MALT1: variants seen among roughly 807,000 people sequenced by gnomAD.
MALT1 encodes the protein MALT1 paracaspase, also known as mucosa-associated lymphoid tissue lymphoma translocation protein 1.
In MALT1, 36 loss-of-function variants were observed where a neutral mutation model predicts 85.5. The observed-to-expected ratio is 0.42, with a 90% CI of 0.32 to 0.56. MALT1 has a LOEUF of 0.56. Ranked by LOEUF, MALT1 falls within the 20% of genes least tolerant of loss-of-function variation. MALT1 has a pLI of 0.10. For missense variants in MALT1, 716 were observed against 981.6 expected, an observed-to-expected ratio of 0.73 and a Z score of 3.62; for synonymous variants, 359 against 361.3, an observed-to-expected ratio of 0.99 and a Z score of 0.07.
intron 7 of MALT1, 88 bp from the exon 8 acceptor site, chr18:58,713,995 C>T: frequency 1.5e-6 from 1 of 671,572 alleles, no homozygotes; most frequent in Admixed American, 2.8e-5. Context: ...ACATGATTCA[C>T]TGGCTCAAAA....
chr18:58,728,782 A>G (rs75422155), intron 10 of MALT1, among the ~76,000 whole-genome samples: 8,139 of 152,250 alleles, frequency 0.053, 349 homozygotes, highest in East Asian at 0.22. Context: ...CCTTAATTCC[A>G]TTCAGCAGTT....
At chr18:58,729,932 T>C (rs2055123346) in intron 10 of MALT1, among the ~76,000 whole-genome samples, 1 of 152,162 alleles carries the variant, frequency 6.6e-6, no homozygotes, top group Admixed American at 6.5e-5. Context: ...TAGGGAGAAT[T>C]TGAAGTGTGT....
At chr18:58,708,230 G>C (rs746403277) in intron 4 of MALT1, among the ~76,000 whole-genome samples, 1 of 152,056 alleles carries the variant, frequency 6.6e-6, no homozygotes, top group Non-Finnish European at 1.5e-5. Flanking sequence ...CTCCTCCTTC[G>C]CCTTCTGCAA....
intron 4 of MALT1, among the ~76,000 whole-genome samples, chr18:58,708,849 A>T (rs1236413763): frequency 6.6e-6 from 1 of 152,138 alleles, no homozygotes; most frequent in Admixed American, 6.5e-5. Context: ...CAGGAAACTT[A>T]AAGAGTATTA....
chr18:58,740,374 C>T (rs568957690), intron 13 of MALT1, among the ~76,000 whole-genome samples: 1 of 136,908 alleles, frequency 7.3e-6, no homozygotes, highest in East Asian at 2.1e-4. Flanking sequence ...TTTATTATTT[C>T]TTTTTCTAAC....
intron 1 of MALT1, among the ~76,000 whole-genome samples, chr18:58,673,028 C>T (rs1340851638): frequency 6.6e-6 from 1 of 152,144 alleles, no homozygotes; most frequent in Non-Finnish European, 1.5e-5. Flanking sequence ...GCCTTTGAAC[C>T]CCTTAGCAGT....
chr18:58,727,529 T>A (rs2055074632), intron 10 of MALT1, among the ~76,000 whole-genome samples: 1 of 151,964 alleles, frequency 6.6e-6, no homozygotes, highest in Admixed American at 6.6e-5. Flanking sequence ...GGTCTCGCTC[T>A]ATCTCCTGAC....
At chr18:58,719,191 G>C (rs1379732048) in intron 9 of MALT1, among the ~76,000 whole-genome samples, 1 of 152,136 alleles carries the variant, frequency 6.6e-6, no homozygotes, top group Admixed American at 6.6e-5. Context: ...GGTCTTTCTT[G>C]GGGTCTCTCA....
intron 1 of MALT1, among the ~76,000 whole-genome samples, chr18:58,679,791 C>T (rs568822072): frequency 6.2e-4 from 95 of 152,228 alleles, no homozygotes; most frequent in African/African-American, 2.1e-3. Flanking sequence ...TGATGAGATC[C>T]GCGTGCCTTG....
In MALT1 at chr18:58,749,764, A is replaced by AAAAC. The variant is rs1568160774; in HGVS notation, c.*1924_*1927dup. On this transcript the variant is annotated 3_prime_UTR_variant, in exon 17 of 17. Coordinates refer to ENST00000649217, the MANE Select transcript of MALT1 (RefSeq NM_006785.4). The stretch of plus-strand genomic sequence containing the variant: ...TGATAAAATCCAAAACTCTTTCATA[A>AAAAC]AAACACTCAACAAACTTAGGAATAA... 1.4e-5 allele frequency: 3 copies of AAAAC among 216,080 alleles called. No individual in the cohort carries two copies. Among genetic ancestry groups the AAAAC allele is most frequent in the African/African-American group, 2.2e-5 (1 of 44,492 alleles). The allele number at this position is 216,080 out of a possible 1,614,324, so 13.4% of individuals were successfully genotyped here.
chr18:58,736,898 C>T (rs1342954277), intron 13 of MALT1, among the ~76,000 whole-genome samples: 2 of 152,140 alleles, frequency 1.3e-5, no homozygotes, highest in African/African-American at 2.4e-5. Flanking sequence ...TAAATCTAGC[C>T]CTTATTTTGA....
chr18:58,727,373 G>A (rs754468629), intron 10 of MALT1, among the ~76,000 whole-genome samples: 8 of 152,020 alleles, frequency 5.3e-5, no homozygotes, highest in Non-Finnish European at 1.2e-4. Context: ...GCGCAATCTC[G>A]GCTCACGGCA....
At chr18:58,741,300 C>A (rs897755041) in intron 13 of MALT1, 3 of 151,920 alleles carry the variant, frequency 2.0e-5, no homozygotes, top group African/African-American at 7.3e-5. Flanking sequence ...ATTTTCTTAT[C>A]TTTTTTAAAA....
chr18:58,718,615 A>C (rs1478528109), intron 9 of MALT1, among the ~76,000 whole-genome samples: 1 of 152,200 alleles, frequency 6.6e-6, no homozygotes, highest in African/African-American at 2.4e-5. Flanking sequence ...TCTTCCACAA[A>C]ACTGGTCCCT....
chr18:58,704,439 A>T (rs2054716597), intron 4 of MALT1, among the ~76,000 whole-genome samples: 1 of 152,104 alleles, frequency 6.6e-6, no homozygotes, highest in Non-Finnish European at 1.5e-5. Flanking sequence ...TGTGATACTA[A>T]TATAGCCATG....
At chr18:58,695,680 C>T (rs1021520848) in intron 2 of MALT1, among the ~76,000 whole-genome samples, 2 of 152,138 alleles carry the variant, frequency 1.3e-5, no homozygotes, top group Admixed American at 1.3e-4. Context: ...CTGGGAAGTC[C>T]GTGATCAAAG....
At chr18:58,674,828 T>A (rs1046808314) in intron 1 of MALT1, among the ~76,000 whole-genome samples, 1 of 152,214 alleles carries the variant, frequency 6.6e-6, no homozygotes, top group Admixed American at 6.5e-5. Flanking sequence ...AGCCCTAGAA[T>A]CTCGAAATGT....
At chr18:58,689,895 G>T (rs1417999616) in intron 2 of MALT1, among the ~76,000 whole-genome samples, 6 of 152,218 alleles carry the variant, frequency 3.9e-5, no homozygotes, top group African/African-American at 1.2e-4. Flanking sequence ...TTGGCTTATA[G>T]AAGGAAGGAG....
At position 58,747,410 on chromosome 18, in the gene MALT1, T is replaced by C. The variant is rs2055384149; in HGVS notation, c.2043T>C (p.His681=). ...CAGATTTTTTTCCTTTTCAGGAACA[T>C]CTAGTCTTCACAGTATGTTTATCAT... is the stretch of plus-strand genomic sequence containing the variant. ...RLSSLQKLKE[H]LVFTVCLSYQ... Residue 681 remains histidine, a synonymous_variant, in exon 17 of 17, where the codon CAT becomes CAC. Transcript: ENST00000649217. The C allele has an allele frequency of 1.2e-6, 2 of 1,604,620 alleles. No homozygotes were observed. The highest frequency in any genetic ancestry group is 1.7e-6 in the Non-Finnish European group (2 of 1,173,768).
Sources: gnomAD v4.1 joint callset for allele counts (sites outside exome capture counted in the v4.1 genomes callset) on GRCh38, gnomAD v4.1.1 for gene constraint, MANE v1.5 for transcripts, NCBI Gene and HGNC (gene_info 2026-07-23, HGNC 2026-07-21) for gene names.